Variants in EIF2B3 observed in about 807,000 individuals in gnomAD.
EIF2B3 encodes the protein eukaryotic translation initiation factor 2B subunit gamma.
Under a neutral mutation model 54.1 loss-of-function variants are expected in EIF2B3, and 20 were observed. That is an observed-to-expected ratio of 0.37 (90% CI 0.26 to 0.54). EIF2B3 has a LOEUF of 0.54. Among genes scored for constraint, EIF2B3 ranks in the 20% least tolerant of loss-of-function variants. The probability of loss-of-function intolerance (pLI) is 0.86; values close to 1 mark genes in which losing one functional copy is unlikely to be tolerated. For missense variants in EIF2B3, 448 were observed against 547.8 expected (o/e 0.82, Z 1.82); for synonymous variants, 153 against 188.1 (o/e 0.81, Z 1.52).
At chr1:44,980,230 C>T (rs1484676148) in intron 2 of EIF2B3, among the ~76,000 whole-genome samples, 4 of 151,988 alleles carry the variant, frequency 2.6e-5, no homozygotes, top group African/African-American at 7.2e-5. Context: ...TTTGGGAGGC[C>T]GAGGTGGGCA....
intron 6 of EIF2B3, among the ~76,000 whole-genome samples, chr1:44,885,901 A>ATTTTTTTTTTTTTT (rs57544990): frequency 1.5e-5 from 2 of 133,210 alleles, no homozygotes; most frequent in African/African-American, 5.7e-5. Flanking sequence ...CGCTTGGCTA[A>ATTTTTTTTTTTTTT]TTTTTTTTTT....
intron 10 of EIF2B3, among the ~76,000 whole-genome samples, chr1:44,872,545 G>A (rs896585106): frequency 6.6e-6 from 1 of 152,094 alleles, no homozygotes; most frequent in African/African-American, 2.4e-5. Context: ...AGCTACCTGA[G>A]AAGCTGAGGC....
At chr1:44,856,528 TAAA>T (rs150728949) in intron 11 of EIF2B3, among the ~76,000 whole-genome samples, 18,666 of 102,286 alleles carry the variant, frequency 0.18, 1,281 homozygotes, top group Non-Finnish European at 0.21. Context: ...AAATTAAAAT[TAAA>T]AAAAAAAAAA....
At chr1:44,904,392 T>C (rs963242188) in intron 5 of EIF2B3, among the ~76,000 whole-genome samples, 4 of 152,230 alleles carry the variant, frequency 2.6e-5, no homozygotes, top group African/African-American at 9.6e-5. Flanking sequence ...AAACCAGAGA[T>C]AACAATTCAG....
Position 44,881,812 on chromosome 1 carries a change from T to G in EIF2B3, c.657-73A>C. On this transcript the variant is annotated intron_variant, in intron 6 of 11. Transcript: ENST00000360403. The surrounding 1 kb of genome is among the most constrained non-coding windows in gnomAD (Gnocchi z 4.0). ...ATACCCGGATCAAAAGCTCTGTGCATACAAGGAAAAGCCAAATCCTTTCCT... is the reference window on the plus strand; with the variant it reads ...ATACCCGGATCAAAAGCTCTGTGCAGACAAGGAAAAGCCAAATCCTTTCCT... 6.3e-7 allele frequency: 1 copy of G among 1,593,538 alleles called. No homozygotes were observed. The highest frequency in any genetic ancestry group is 1.1e-5 in the South Asian group (1 of 90,288).
chr1:44,955,790 C>G (rs1644217397), intron 3 of EIF2B3, among the ~76,000 whole-genome samples: 1 of 151,984 alleles, frequency 6.6e-6, no homozygotes, highest in Admixed American at 6.6e-5. Flanking sequence ...TTAGAAAAAT[C>G]CCAATCAAAA....
chr1:44,972,262 C>CATAT (rs797013582), intron 3 of EIF2B3, among the ~76,000 whole-genome samples: 1,396 of 106,914 alleles, frequency 0.013, 27 homozygotes, highest in African/African-American at 0.047. Context: ...CACACACACA[C>CATAT]ACACATATAC....
At chr1:44,876,347 C>T (rs1443228704) in intron 8 of EIF2B3, among the ~76,000 whole-genome samples, 6 of 145,594 alleles carry the variant, frequency 4.1e-5, no homozygotes, top group Non-Finnish European at 9.0e-5. Context: ...GGGAGCGCCT[C>T]TGCCCCGCCG....
At chr1:44,856,210 A>G (rs911241008) in intron 11 of EIF2B3, among the ~76,000 whole-genome samples, 3 of 152,054 alleles carry the variant, frequency 2.0e-5, no homozygotes, top group Non-Finnish European at 2.9e-5. Context: ...TATTGTCCCA[A>G]TTGTCTAATT....
chr1:44,947,944 C>A (rs1644120763), intron 3 of EIF2B3, among the ~76,000 whole-genome samples: 4 of 152,050 alleles, frequency 2.6e-5, no homozygotes, highest in Admixed American at 2.6e-4. Context: ...TGGACTCAAG[C>A]AATCCTCCTG....
intron 1 of EIF2B3, among the ~76,000 whole-genome samples, chr1:44,984,793 C>T (rs1229728888): frequency 1.9e-5 from 2 of 104,320 alleles, no homozygotes; most frequent in East Asian, 4.6e-4. Context: ...AAAATAATGT[C>T]CATCTTTTTT....
chr1:44,899,338 C>T (rs2148915620), intron 5 of EIF2B3, among the ~76,000 whole-genome samples: 1 of 152,212 alleles, frequency 6.6e-6, no homozygotes, highest in South Asian at 2.1e-4. Context: ...TTCCCCTTTC[C>T]ATCTGATTAA....
At chr1:44,876,433 C>T (rs1217110803) in intron 8 of EIF2B3, among the ~76,000 whole-genome samples, 19 of 142,076 alleles carry the variant, frequency 1.3e-4, no homozygotes, top group South Asian at 4.8e-4. Context: ...TCTGCCCGGC[C>T]GCCCCGTCTG....
At chr1:44,877,004 C>CGTTAAG (rs1391881829) in intron 8 of EIF2B3, among the ~76,000 whole-genome samples, 14 of 149,042 alleles carry the variant, frequency 9.4e-5, no homozygotes, top group Admixed American at 2.7e-4. Context: ...GCAGCATGCT[C>CGTTAAG]GTTAAGAGTC....
At chr1:44,897,319 G>T in intron 6 of EIF2B3, 36 bp downstream of exon 6, 1 of 1,455,546 alleles carries the variant, frequency 6.9e-7, no homozygotes, top group Non-Finnish European at 9.6e-7. Context: ...AGCTTGTTAA[G>T]TACTGTAGGT....
At chr1:44,986,202 C>T (rs1398213634) in intron 1 of EIF2B3, among the ~76,000 whole-genome samples, 1 of 149,940 alleles carries the variant, frequency 6.7e-6, no homozygotes, top group Non-Finnish European at 1.5e-5. Context: ...TGCAGTGGCG[C>T]GAATTAGGCT....
At chr1:44,982,768 T>TC in intron 1 of EIF2B3, among the ~76,000 whole-genome samples, 1 of 151,580 alleles carries the variant, frequency 6.6e-6, no homozygotes. Context: ...GCCTGGCTTT[T>TC]TTTTTTTTTT....
At chr1:44,960,338 C>T (rs1485968970) in intron 3 of EIF2B3, among the ~76,000 whole-genome samples, 8 of 152,062 alleles carry the variant, frequency 5.3e-5, no homozygotes, top group Non-Finnish European at 1.0e-4. Flanking sequence ...AAAACTAATA[C>T]TGTTTAAAAA....
At chr1:44,939,101 CAA>C (rs35410499) in intron 4 of EIF2B3, among the ~76,000 whole-genome samples, 1,359 of 56,170 alleles carry the variant, frequency 0.024, 5 homozygotes, top group East Asian at 0.049. Context: ...GACCCTGTCT[CAA>C]AAAAAAAAAA....
Sources: gnomAD v4.1 joint callset for allele counts (sites outside exome capture counted in the v4.1 genomes callset) on GRCh38, gnomAD v4.1.1 for gene constraint, Gnocchi (gnomAD v3.1) non-coding constraint, MANE v1.5 for transcripts, NCBI Gene and HGNC (gene_info 2026-07-23, HGNC 2026-07-21) for gene names.